The following KCNK10 variants were observed in gnomAD, a reference collection of about 807,000 sequenced individuals.
KCNK10 encodes the protein potassium two pore domain channel subfamily K member 10, also known as potassium channel subfamily K member 10.
In KCNK10, 25 loss-of-function variants were observed where a neutral mutation model predicts 47.7. The observed-to-expected ratio is 0.52, with a 90% CI of 0.38 to 0.73. The LOEUF (loss-of-function observed/expected upper bound fraction) is 0.73, where lower values mean the gene tolerates loss of function less well. Ranked by LOEUF, KCNK10 falls within the 30% of genes least tolerant of loss-of-function variation. KCNK10 has a pLI of 0.00. For missense variants in KCNK10, 563 were observed against 714.5 expected, an observed-to-expected ratio of 0.79 and a Z score of 2.42; for synonymous variants, 303 against 285.6, an observed-to-expected ratio of 1.06 and a Z score of -0.61.
intron 1 of KCNK10, among the ~76,000 whole-genome samples, chr14:88,267,810 A>G (rs983439375): frequency 1.3e-5 from 2 of 152,196 alleles, no homozygotes; most frequent in Non-Finnish European, 2.9e-5. Flanking sequence ...CCAACAAAGA[A>G]GCAAACTTGG....
intron 1 of KCNK10, among the ~76,000 whole-genome samples, chr14:88,275,236 G>C (rs1887502116): frequency 6.6e-6 from 1 of 152,052 alleles, no homozygotes; most frequent in South Asian, 2.1e-4. Context: ...GTTCCTCTGA[G>C]ACCCCAGCCC....
chr14:88,247,671 G>A (rs1360183794), intron 2 of KCNK10, among the ~76,000 whole-genome samples: 1 of 152,170 alleles, frequency 6.6e-6, no homozygotes, highest in East Asian at 1.9e-4. Flanking sequence ...CCCAGGATGG[G>A]CTAGCATGCT....
At chr14:88,306,803 G>T (rs1453891671) in intron 1 of KCNK10, among the ~76,000 whole-genome samples, 1 of 152,154 alleles carries the variant, frequency 6.6e-6, no homozygotes, top group Non-Finnish European at 1.5e-5. Flanking sequence ...GTGACTGGTT[G>T]CTGGGTTTCC....
upstream of KCNK10, chr14:88,323,808 C>A (rs742887): frequency 0.18 from 28,058 of 152,218 alleles, 3,139 homozygotes; most frequent in Middle Eastern, 0.31. Context: ...CTCTTCTCAC[C>A]GCTCTCACCC....
chr14:88,189,009 C>G (rs953642436), intron 5 of KCNK10, among the ~76,000 whole-genome samples: 1 of 152,210 alleles, frequency 6.6e-6, no homozygotes. Context: ...CTCTGGGAAA[C>G]GCTATTGCCT....
At chr14:88,188,839 T>C (rs1275370654) in intron 5 of KCNK10, among the ~76,000 whole-genome samples, 1 of 152,228 alleles carries the variant, frequency 6.6e-6, no homozygotes, top group Admixed American at 6.5e-5. Context: ...GCTGTTCCAT[T>C]GAAAGGACCA....
chr14:88,316,481 G>T (rs1888433620), intron 1 of KCNK10, among the ~76,000 whole-genome samples: 1 of 152,194 alleles, frequency 6.6e-6, no homozygotes, highest in Admixed American at 6.5e-5. Context: ...GACCCCAGAA[G>T]TGGAAGGTCC....
rs930581442 is a variant in KCNK10 at position 88,275,826 on chromosome 14, C to T, written c.53-12275G>A. ...AGGTTGGAGTGAGCTGAGATTGTGC[C>T]GCTGCACTCCAGCCTGGGCGACAGA... On this transcript the variant is annotated intron_variant, in intron 1 of 6. Coordinates refer to ENST00000319231, the MANE Select transcript of KCNK10 (RefSeq NM_138317.3). Among the ~76,000 whole-genome samples the T allele has an allele frequency of 4.6e-5, 7 of 151,630 alleles. No individual in the cohort carries two copies. The East Asian group carries it at 5.8e-4, about 13-fold the overall frequency.
At chr14:88,245,276 T>C (rs1219358273) in intron 2 of KCNK10, among the ~76,000 whole-genome samples, 1 of 152,232 alleles carries the variant, frequency 6.6e-6, no homozygotes, top group Non-Finnish European at 1.5e-5. Context: ...GAGAGCTGAC[T>C]TGAAAGAGGG....
intron 3 of KCNK10, among the ~76,000 whole-genome samples, chr14:88,230,705 C>A (rs1012023072): frequency 2.6e-5 from 4 of 152,086 alleles, no homozygotes; most frequent in Non-Finnish European, 4.4e-5. Flanking sequence ...CTCTAAGGGA[C>A]CCCACTTCAA....
intron 4 of KCNK10, among the ~76,000 whole-genome samples, chr14:88,199,862 C>G (rs1003929374): frequency 2.0e-5 from 3 of 152,216 alleles, no homozygotes; most frequent in African/African-American, 7.2e-5. Flanking sequence ...GATTTGAAGA[C>G]AGCCTTCAAG....
chr14:88,246,758 G>A (rs1442878147), intron 2 of KCNK10, among the ~76,000 whole-genome samples: 1 of 152,174 alleles, frequency 6.6e-6, no homozygotes, highest in Admixed American at 6.5e-5. Context: ...TGGATAAAGC[G>A]GTAACCATTC....
At chr14:88,311,243 C>A (rs1888322564) in intron 1 of KCNK10, among the ~76,000 whole-genome samples, 1 of 152,182 alleles carries the variant, frequency 6.6e-6, no homozygotes, top group South Asian at 2.1e-4. Flanking sequence ...CTGAACCCAT[C>A]ATTTGATTTA....
intron 1 of KCNK10, among the ~76,000 whole-genome samples, chr14:88,302,366 C>G (rs1220911536): frequency 6.6e-6 from 1 of 152,150 alleles, no homozygotes; most frequent in Non-Finnish European, 1.5e-5. Context: ...AGAGGTAGAG[C>G]AATGAGAAAG....
In KCNK10 at chr14:88,229,012, C is replaced by T. The variant is rs367805304; in HGVS notation, c.521-1477G>A. Among the ~76,000 whole-genome samples, 45 of 152,280 alleles carry T rather than the reference C, an allele frequency of 3.0e-4. 1 individual carries two copies. The South Asian group carries it at 9.1e-3, about 31-fold the overall frequency. On this transcript the variant is annotated intron_variant, in intron 3 of 6. Coordinates refer to ENST00000319231, the MANE Select transcript of KCNK10 (RefSeq NM_138317.3). ...CCTATTGAAAAAGAAATAAATGAGC[C>T]TCTACAGTTTCACTTTATGCAGGTT...
At chr14:88,222,807 T>C (rs545910191) in intron 4 of KCNK10, among the ~76,000 whole-genome samples, 1 of 152,264 alleles carries the variant, frequency 6.6e-6, no homozygotes, top group Admixed American at 6.5e-5. Context: ...CATCTTGCAA[T>C]GTGAGTGACA....
At chr14:88,197,708 A>T (rs963217752) in intron 4 of KCNK10, among the ~76,000 whole-genome samples, 6 of 150,332 alleles carry the variant, frequency 4.0e-5, no homozygotes, top group Non-Finnish European at 8.8e-5. Context: ...ATAATACGCT[A>T]TTGGAACACA....
chr14:88,189,949 C>A (rs1884694544), intron 5 of KCNK10, among the ~76,000 whole-genome samples: 1 of 152,188 alleles, frequency 6.6e-6, no homozygotes, highest in Non-Finnish European at 1.5e-5. Context: ...AGCACTGTGA[C>A]TTTTAAGAGA....
At chr14:88,231,656 G>A (rs1886162439) in intron 3 of KCNK10, among the ~76,000 whole-genome samples, 1 of 152,220 alleles carries the variant, frequency 6.6e-6, no homozygotes, top group South Asian at 2.1e-4. Flanking sequence ...TCAAAGGCAG[G>A]TGGGACTTTC....
Sources: gnomAD v4.1 joint callset for allele counts (sites outside exome capture counted in the v4.1 genomes callset) on GRCh38, gnomAD v4.1.1 for gene constraint, MANE v1.5 for transcripts, NCBI Gene and HGNC (gene_info 2026-07-23, HGNC 2026-07-21) for gene names.